The following CCDC7 variants were observed in gnomAD, a reference collection of about 807,000 sequenced individuals.
CCDC7 encodes the protein coiled-coil domain containing 7.
In CCDC7, 183 loss-of-function variants were observed where a neutral mutation model predicts 196.9. The observed-to-expected ratio is 0.93, with a 90% CI of 0.82 to 1.05. The LOEUF (loss-of-function observed/expected upper bound fraction) is 1.05. CCDC7 is among the 50% of genes least tolerant of loss of function. CCDC7 has a pLI of 0.00. For synonymous variants in CCDC7, 525 were observed against 484.6 expected (o/e 1.08, Z -1.10); for missense variants, 1,540 against 1,482.2 (o/e 1.04, Z -0.64).
chr10:32,877,854 A>T (rs181225350), downstream of CCDC7, among the ~76,000 whole-genome samples: 49 of 152,270 alleles, frequency 3.2e-4, no homozygotes, highest in African/African-American at 9.6e-4. Flanking sequence ...TGATTCTAAT[A>T]CGCAGCCAGA....
chr10:32,735,005 T>G (rs2132931472), intron 28 of CCDC7, among the ~76,000 whole-genome samples: 1 of 152,324 alleles, frequency 6.6e-6, no homozygotes, highest in East Asian at 1.9e-4. Context: ...TACAGCTACA[T>G]ATGCTTTCTT....
intron 13 of CCDC7, among the ~76,000 whole-genome samples, chr10:32,561,155 G>A (rs2055526109): frequency 6.6e-6 from 1 of 152,192 alleles, no homozygotes; most frequent in Non-Finnish European, 1.5e-5. Flanking sequence ...GGAACACCCA[G>A]TTTCATAAAG....
At chr10:32,533,661 T>A (rs1277835800) in intron 11 of CCDC7, among the ~76,000 whole-genome samples, 26 of 152,106 alleles carry the variant, frequency 1.7e-4, no homozygotes, top group Admixed American at 1.6e-3. Context: ...GAAGGATAAT[T>A]TTGATGGATA....
At chr10:32,459,375 C>T (rs2035092626) in intron 3 of CCDC7, among the ~76,000 whole-genome samples, 1 of 151,942 alleles carries the variant, frequency 6.6e-6, no homozygotes, top group Middle Eastern at 3.4e-3. Flanking sequence ...GTGGGAACCT[C>T]TAGAGAGCTC....
chr10:32,864,549 G>A (rs562753547), intron 41 of CCDC7, among the ~76,000 whole-genome samples: 12 of 150,962 alleles, frequency 7.9e-5, no homozygotes, highest in African/African-American at 2.7e-4. Flanking sequence ...AATTTTCATA[G>A]CTAAATACAT....
chr10:32,863,172 A>G (rs1028077538), intron 41 of CCDC7, among the ~76,000 whole-genome samples: 7 of 152,068 alleles, frequency 4.6e-5, no homozygotes, highest in Non-Finnish European at 8.8e-5. Flanking sequence ...TGAAACCACA[A>G]AAAAAACCAT....
At chr10:32,573,553 G>A (rs2057838224) in intron 16 of CCDC7, among the ~76,000 whole-genome samples, 1 of 152,082 alleles carries the variant, frequency 6.6e-6, no homozygotes, top group Admixed American at 6.6e-5. Flanking sequence ...TATTACCCCT[G>A]GCAGCCCTCA....
chr10:32,745,738 G>T (rs931573563), intron 28 of CCDC7, among the ~76,000 whole-genome samples: 2 of 152,104 alleles, frequency 1.3e-5, no homozygotes, highest in Non-Finnish European at 2.9e-5. Context: ...TTTAGAATTA[G>T]TTTGTCAATA....
intron 28 of CCDC7, among the ~76,000 whole-genome samples, chr10:32,737,533 T>C (rs1284823732): frequency 6.6e-6 from 1 of 152,172 alleles, no homozygotes; most frequent in African/African-American, 2.4e-5. Flanking sequence ...TAAGCATCAA[T>C]TAGATCCAGT....
chr10:32,673,653 A>ATGTG (rs772678414), intron 21 of CCDC7, among the ~76,000 whole-genome samples: 10,388 of 120,606 alleles, frequency 0.086, 410 homozygotes, highest in African/African-American at 0.11. Context: ...ACCATTGTGC[A>ATGTG]CGTGTGTGTG....
At chr10:32,574,118 A>G (rs774328959) in intron 16 of CCDC7, among the ~76,000 whole-genome samples, 2 of 152,076 alleles carry the variant, frequency 1.3e-5, no homozygotes, top group Admixed American at 1.3e-4. Flanking sequence ...TGCCAAGTGG[A>G]CAGAACTTTG....
chr10:32,457,720 C>T (rs1035407182), intron 3 of CCDC7, among the ~76,000 whole-genome samples: 1 of 152,084 alleles, frequency 6.6e-6, no homozygotes, highest in African/African-American at 2.4e-5. Flanking sequence ...TGATAATAGC[C>T]ATTCTAACTG....
intron 20 of CCDC7, among the ~76,000 whole-genome samples, chr10:32,655,784 T>C (rs186665283): frequency 6.6e-6 from 1 of 152,306 alleles, no homozygotes; most frequent in African/African-American, 2.4e-5. Context: ...TGATCTCAAG[T>C]GAGCCACCTA....
At chr10:32,744,856 G>A (rs1292936225) in intron 28 of CCDC7, among the ~76,000 whole-genome samples, 1 of 152,048 alleles carries the variant, frequency 6.6e-6, no homozygotes, top group Non-Finnish European at 1.5e-5. Flanking sequence ...CTTTGTTGTT[G>A]ATTGTCTTTC....
At chr10:32,809,213 T>A (rs1172693387) in intron 30 of CCDC7, among the ~76,000 whole-genome samples, 1 of 152,018 alleles carries the variant, frequency 6.6e-6, no homozygotes, top group African/African-American at 2.4e-5. Context: ...ACAATAATTC[T>A]TCAGCAACAG....
intron 13 of CCDC7, among the ~76,000 whole-genome samples, chr10:32,549,395 C>T (rs1479479125): frequency 6.6e-6 from 1 of 152,024 alleles, no homozygotes; most frequent in Non-Finnish European, 1.5e-5. Context: ...TTCCTTTTGC[C>T]GTGCAAAAGC....
At chr10:32,751,743 G>A (rs2075690697) in intron 28 of CCDC7, among the ~76,000 whole-genome samples, 1 of 151,988 alleles carries the variant, frequency 6.6e-6, no homozygotes. Flanking sequence ...GGGTAATGGG[G>A]GCTTGTGCTG....
chr10:32,633,917 C>G (rs536059055), intron 18 of CCDC7, among the ~76,000 whole-genome samples: 1 of 151,894 alleles, frequency 6.6e-6, no homozygotes, highest in South Asian at 2.1e-4. Flanking sequence ...TCTTGTATTA[C>G]ATTTCATGAA....
exon 13 of CCDC7, chr10:32,544,289 G>A: frequency 6.2e-7 from 1 of 1,609,300 alleles, no homozygotes; most frequent in Non-Finnish European, 8.5e-7. Flanking sequence ...AAGAAGATTT[G>A]GATCAAGTAC....
Sources: gnomAD v4.1 joint callset for allele counts (sites outside exome capture counted in the v4.1 genomes callset) on GRCh38, gnomAD v4.1.1 for gene constraint, MANE v1.5 for transcripts, NCBI Gene and HGNC (gene_info 2026-07-23, HGNC 2026-07-21) for gene names.